FILIP1: variants seen among roughly 807,000 people sequenced by gnomAD.
FILIP1 encodes the protein filamin-A-interacting protein 1.
A neutral mutation model predicts 102.1 loss-of-function variants in FILIP1; 61 were observed. That is an observed-to-expected ratio of 0.60 (90% CI 0.49 to 0.74). FILIP1 has a LOEUF of 0.74. Among genes scored for constraint, FILIP1 ranks in the 30% least tolerant of loss-of-function variants. The pLI, the probability that FILIP1 is intolerant of heterozygous loss-of-function variation, is 0.00. For synonymous variants in FILIP1, 491 were observed against 526.9 expected, an observed-to-expected ratio of 0.93 and a Z score of 0.93; for missense variants, 1,314 against 1,441.2, an observed-to-expected ratio of 0.91 and a Z score of 1.43.
At chr6:75,369,729 A>C (rs1775453543) in intron 2 of FILIP1, among the ~76,000 whole-genome samples, 1 of 152,224 alleles carries the variant, frequency 6.6e-6, no homozygotes, top group Non-Finnish European at 1.5e-5. Context: ...TTTAGCACTA[A>C]GATTACTGAA....
At chr6:75,379,090 A>C (rs539060437) in intron 2 of FILIP1, among the ~76,000 whole-genome samples, 45 of 152,314 alleles carry the variant, frequency 3.0e-4, no homozygotes, top group African/African-American at 1.1e-3. Flanking sequence ...ATCTAGGCTG[A>C]AGTAAGGTGA....
At chr6:75,410,421 T>C (rs1317676436) in intron 2 of FILIP1, among the ~76,000 whole-genome samples, 2 of 152,028 alleles carry the variant, frequency 1.3e-5, no homozygotes, top group Non-Finnish European at 2.9e-5. Flanking sequence ...TATTATACTT[T>C]AAGTTCTGGG....
intron 5 of FILIP1, among the ~76,000 whole-genome samples, chr6:75,310,892 G>T (rs752650674): frequency 1.3e-5 from 2 of 152,192 alleles, no homozygotes; most frequent in Non-Finnish European, 2.9e-5. Context: ...ACACTTTGGA[G>T]CCTGCCTCGA....
intron 2 of FILIP1, chr6:75,385,640 C>T (rs761358821): frequency 1.3e-5 from 2 of 152,076 alleles, no homozygotes; most frequent in African/African-American, 4.8e-5. Context: ...TTATATCATG[C>T]CTTCTTTCCA....
chr6:75,442,251 A>C (rs958440249), intron 1 of FILIP1, among the ~76,000 whole-genome samples: 1 of 149,612 alleles, frequency 6.7e-6, no homozygotes, highest in Non-Finnish European at 1.5e-5. Context: ...CCGGGCAGAG[A>C]CGCTCCTCAC....
At chr6:75,402,633 T>C (rs1776697922) in intron 2 of FILIP1, among the ~76,000 whole-genome samples, 1 of 152,116 alleles carries the variant, frequency 6.6e-6, no homozygotes, top group African/African-American at 2.4e-5. Flanking sequence ...AAGAAAAAAG[T>C]GATAAATGGT....
chr6:75,347,428 C>A (rs2149594885), intron 4 of FILIP1, among the ~76,000 whole-genome samples: 1 of 152,332 alleles, frequency 6.6e-6, no homozygotes, highest in Middle Eastern at 3.4e-3. Flanking sequence ...TTGTTTTCTG[C>A]TGTTATGTTC....
chr6:75,309,423 A>G (rs1773105591), intron 5 of FILIP1, among the ~76,000 whole-genome samples: 1 of 152,054 alleles, frequency 6.6e-6, no homozygotes, highest in Admixed American at 6.6e-5. Context: ...CACCTCTCAT[A>G]TCTGATGACC....
At chr6:75,305,235 C>T (rs1235930464), downstream of FILIP1, among the ~76,000 whole-genome samples, 2 of 152,208 alleles carry the variant, frequency 1.3e-5, no homozygotes, top group Non-Finnish European at 2.9e-5. Flanking sequence ...GCCCTCCAGC[C>T]TCCAATATAA....
intron 2 of FILIP1, among the ~76,000 whole-genome samples, chr6:75,372,521 C>T (rs558638009): frequency 2.0e-5 from 3 of 150,058 alleles, no homozygotes; most frequent in African/African-American, 7.3e-5. Flanking sequence ...TGAAAAGATA[C>T]TCAATATCAC....
intron 3 of FILIP1, chr6:75,358,524 C>A (rs1178670775): frequency 6.6e-6 from 1 of 152,078 alleles, no homozygotes; most frequent in African/African-American, 2.4e-5. Flanking sequence ...GACAGTCTTT[C>A]ATGAGCTCAT....
At chr6:75,478,854 G>A (rs973994936) in intron 1 of FILIP1, among the ~76,000 whole-genome samples, 1 of 152,118 alleles carries the variant, frequency 6.6e-6, no homozygotes, top group East Asian at 1.9e-4. Flanking sequence ...GCCCAAAACA[G>A]TTTAATGAGC....
intron 1 of FILIP1, among the ~76,000 whole-genome samples, chr6:75,420,095 G>A (rs974886917): frequency 2.0e-5 from 3 of 152,224 alleles, no homozygotes; most frequent in African/African-American, 7.2e-5. Context: ...TTCACAAAAT[G>A]TTAGAATTCA....
chr6:75,298,569 C>T (rs1297429389), intron 6 of FILIP1, among the ~76,000 whole-genome samples: 2 of 152,156 alleles, frequency 1.3e-5, no homozygotes, highest in Non-Finnish European at 2.9e-5. Flanking sequence ...CTCTGCTGAA[C>T]TTACTCAATA....
At chr6:75,330,195 T>C (rs1774026407) in intron 4 of FILIP1, among the ~76,000 whole-genome samples, 1 of 152,132 alleles carries the variant, frequency 6.6e-6, no homozygotes, top group Non-Finnish European at 1.5e-5. Context: ...TACTGAGTTT[T>C]TTGGCATCAC....
chr6:75,313,809 T>C lies in FILIP1; in HGVS notation c.2023A>G (p.Asn675Asp). Residue 675 changes from asparagine to aspartate, a missense_variant, in exon 5 of 6, where the codon AAC becomes GAC. By Grantham distance (23) the Asn-to-Asp change is conservative. Around this residue, in one of 3 missense-constraint regions of FILIP1, gnomAD observed 816 missense variants for 913.1 expected, o/e 0.89. Transcript: ENST00000237172. This position sits in a 1 kb window ranked among gnomAD's most constrained non-coding sequence, Gnocchi z 4.2. Reference sequence around the variant, plus strand: ...TCCTCTAGTTGTTGAGAGAGGAAGTTAGCCTTATCCTGCTCAGTTCTAAAT... The same window carrying C: ...TCCTCTAGTTGTTGAGAGAGGAAGTCAGCCTTATCCTGCTCAGTTCTAAAT... ...QKFRTEQDKA[N>D]FLSQQLEEIK... 6.2e-7 allele frequency: 1 copy of C among 1,611,218 alleles called. No individual in the cohort carries two copies. The highest frequency in any genetic ancestry group is 1.1e-5 in the South Asian group (1 of 90,354).
intron 1 of FILIP1, among the ~76,000 whole-genome samples, chr6:75,466,618 C>T (rs1475553912): frequency 6.6e-6 from 1 of 152,156 alleles, no homozygotes; most frequent in Non-Finnish European, 1.5e-5. Context: ...TCTGGGATTA[C>T]ATTTAATGTA....
chr6:75,300,949 G>A (rs1304594598), intron 6 of FILIP1, among the ~76,000 whole-genome samples: 1 of 152,122 alleles, frequency 6.6e-6, no homozygotes, highest in African/African-American at 2.4e-5. Context: ...AGCATAGATT[G>A]CTGTTTTACA....
At chr6:75,470,241 A>T (rs1779292185) in intron 1 of FILIP1, among the ~76,000 whole-genome samples, 1 of 152,172 alleles carries the variant, frequency 6.6e-6, no homozygotes, top group African/African-American at 2.4e-5. Context: ...TAAAAAAATC[A>T]ACGACTTTTC....
Sources: gnomAD v4.1 joint callset for allele counts (sites outside exome capture counted in the v4.1 genomes callset) on GRCh38, gnomAD v4.1.1 for gene constraint, gnomAD v4.1.1 regional missense constraint, Gnocchi (gnomAD v3.1) non-coding constraint, MANE v1.5 for transcripts, NCBI Gene and HGNC (gene_info 2026-07-23, HGNC 2026-07-21) for gene names.